The following RCOR1 variants were observed in gnomAD, a reference collection of about 807,000 sequenced individuals.
The protein encoded by RCOR1 is REST corepressor.
A neutral mutation model predicts 64.0 loss-of-function variants in RCOR1; 12 were observed. The ratio of observed to expected loss-of-function variants is 0.19; its 90% confidence interval spans 0.12 to 0.30. RCOR1 has a LOEUF of 0.30. Ranked by LOEUF, RCOR1 falls within the 10% of genes least tolerant of loss-of-function variation. The pLI is 1.00. For missense variants in RCOR1, 502 were observed against 621.2 expected (o/e 0.81, Z 2.04); for synonymous variants, 279 against 227.2 (o/e 1.23, Z -2.05).
At chr14:102,639,076 G>T (rs957254631) in intron 2 of RCOR1, among the ~76,000 whole-genome samples, 3 of 152,160 alleles carry the variant, frequency 2.0e-5, no homozygotes, top group African/African-American at 4.8e-5. Context: ...TAAGTAGGAT[G>T]ACATAAGTTT....
At chr14:102,615,187 A>G (rs1177651690) in intron 2 of RCOR1, among the ~76,000 whole-genome samples, 1 of 129,430 alleles carries the variant, frequency 7.7e-6, no homozygotes, top group Non-Finnish European at 1.6e-5. Flanking sequence ...CCTGGAGTGC[A>G]GTGTTAACGA....
intron 2 of RCOR1, among the ~76,000 whole-genome samples, chr14:102,633,178 T>A (rs541285143): frequency 6.6e-6 from 1 of 151,782 alleles, no homozygotes; most frequent in Non-Finnish European, 1.5e-5. Context: ...CTCTGCTGAT[T>A]AATCAGATCA....
chr14:102,622,659 T>C (rs958946828), intron 2 of RCOR1, among the ~76,000 whole-genome samples: 10 of 152,246 alleles, frequency 6.6e-5, no homozygotes, highest in Admixed American at 4.6e-4. Flanking sequence ...CACATTCTTA[T>C]TCTGACTGAA....
In RCOR1 at chr14:102,602,394, CTTTTTTTTTTTTTT is replaced by C. The variant is rs66743592; in HGVS notation, c.361+9075_361+9088del. On this transcript the variant is annotated intron_variant, in intron 2 of 11. Transcript: ENST00000262241. The stretch of plus-strand genomic sequence containing the variant: ...GCATTTTTTTCTTTTCTTTTCTTTT[CTTTTTTTTTTTTTT>C]TTTTTGGAGATGGAGTTTCGCTCTT... 2.9e-5 allele frequency among the ~76,000 whole-genome samples: 3 copies of C among 104,230 alleles called. No individual in the cohort carries two copies. In the South Asian group the frequency reaches 9.5e-4, roughly 33 times the overall value. 68.4% of individuals were successfully genotyped at this position (104,230 alleles called of 152,430 possible).
chr14:102,612,759 T>TA (rs963925095), intron 2 of RCOR1, among the ~76,000 whole-genome samples: 3 of 151,566 alleles, frequency 2.0e-5, no homozygotes, highest in Admixed American at 2.0e-4. Context: ...GAGACTGAGG[T>TA]AGGAGGATTG....
chr14:102,657,890 G>A, intron 2 of RCOR1: 2 of 984,372 alleles, frequency 2.0e-6, no homozygotes, highest in Non-Finnish European at 2.4e-6. Flanking sequence ...CTTGGAACAG[G>A]CCAGTTTCCC....
intron 2 of RCOR1, among the ~76,000 whole-genome samples, chr14:102,623,755 G>A (rs1313827030): frequency 6.6e-6 from 1 of 151,308 alleles, no homozygotes; most frequent in African/African-American, 2.4e-5. Context: ...TCTCAAGAAG[G>A]CTTAAGAATC....
At chr14:102,721,922 C>T (rs1423750281) in intron 10 of RCOR1, among the ~76,000 whole-genome samples, 1 of 152,024 alleles carries the variant, frequency 6.6e-6, no homozygotes, top group Non-Finnish European at 1.5e-5. Context: ...GCAGAATGTC[C>T]CCAACCCTAG....
chr14:102,616,187 A>T (rs1217849064), intron 2 of RCOR1, among the ~76,000 whole-genome samples: 1 of 150,870 alleles, frequency 6.6e-6, no homozygotes, highest in Non-Finnish European at 1.5e-5. Context: ...TCCATTTATT[A>T]CAAAAGATAC....
chr14:102,710,509 G>C (rs1648612316), intron 6 of RCOR1, among the ~76,000 whole-genome samples: 1 of 152,128 alleles, frequency 6.6e-6, no homozygotes, highest in Non-Finnish European at 1.5e-5. Flanking sequence ...TTTTTTTACT[G>C]TTAGCAGGTT....
At chr14:102,721,594 G>A (rs1896171851) in intron 10 of RCOR1, 1 of 367,934 alleles carries the variant, frequency 2.7e-6, no homozygotes, top group Non-Finnish European at 4.8e-6. Context: ...AAAGAGCTTA[G>A]GAGCATTGGT....
chr14:102,599,808 G>GTTTTTTTTTTTTTTT (rs1555460975), intron 2 of RCOR1, among the ~76,000 whole-genome samples: 1 of 41,678 alleles, frequency 2.4e-5, no homozygotes, highest in Non-Finnish European at 5.7e-5. Flanking sequence ...GTTTTGTTTT[G>GTTTTTTTTTTTTTTT]TTTTTTTTTT....
intron 2 of RCOR1, among the ~76,000 whole-genome samples, chr14:102,666,993 G>C (rs1894926328): frequency 1.3e-5 from 2 of 152,160 alleles, no homozygotes; most frequent in African/African-American, 4.8e-5. Context: ...AGGGAGTTAT[G>C]ATCCATATCT....
At chr14:102,709,042 G>A (rs1895910854) in intron 6 of RCOR1, among the ~76,000 whole-genome samples, 1 of 152,110 alleles carries the variant, frequency 6.6e-6, no homozygotes, top group East Asian at 1.9e-4. Flanking sequence ...AAGGATATTA[G>A]TTTTAAGGAT....
chr14:102,707,335 GAT>G lies in RCOR1; in HGVS notation c.499-13_499-12del. On this transcript the variant is annotated splice_polypyrimidine_tract_variant and intron_variant, in intron 4 of 11. Transcript: ENST00000262241. ...TTTTTGTTTGATCTAAAATTTTACT[GAT>G]ATCATTTTTGTAGGCTCTTGGGATG... 2.0e-6 allele frequency: 3 copies of G among 1,526,140 alleles called. No individual in the cohort carries two copies. Among genetic ancestry groups the G allele is most frequent in the Non-Finnish European group, 2.6e-6 (3 of 1,138,366 alleles). 94.5% of individuals were successfully genotyped at this position (1,526,140 alleles called of 1,614,324 possible). A position where few individuals can be genotyped will look rare whatever the true frequency, so the allele number is the denominator to read the frequency against.
intron 2 of RCOR1, among the ~76,000 whole-genome samples, chr14:102,600,448 CTGGAGAGCAA>C (rs1270150727): frequency 2.0e-5 from 3 of 152,044 alleles, no homozygotes; most frequent in African/African-American, 7.2e-5. Context: ...GTCACCCAGG[CTGGAGAGCAA>C]TGGTGTGACC....
At chr14:102,684,088 A>T (rs1415962739) in intron 3 of RCOR1, among the ~76,000 whole-genome samples, 1 of 152,166 alleles carries the variant, frequency 6.6e-6, no homozygotes, top group Non-Finnish European at 1.5e-5. Context: ...GAGCGCTAGG[A>T]ACAGGTTCCT....
At chr14:102,703,594 A>G (rs1403034018) in intron 4 of RCOR1, among the ~76,000 whole-genome samples, 3 of 152,240 alleles carry the variant, frequency 2.0e-5, no homozygotes, top group Non-Finnish European at 4.4e-5. Flanking sequence ...TAAGAATTCT[A>G]TATCTGAGAA....
intron 2 of RCOR1, among the ~76,000 whole-genome samples, chr14:102,620,709 T>A (rs539624285): frequency 1.3e-5 from 2 of 152,244 alleles, no homozygotes; most frequent in Non-Finnish European, 2.9e-5. Flanking sequence ...CCACAGAGAC[T>A]CTGTTTCTAA....
Sources: allele counts gnomAD v4.1 joint callset (sites outside exome capture counted in the v4.1 genomes callset), GRCh38; gene constraint gnomAD v4.1.1; transcripts MANE v1.5; gene names NCBI Gene and HGNC (gene_info 2026-07-23, HGNC 2026-07-21).